The following UGT1A8 variants were observed in gnomAD, a reference collection of about 807,000 sequenced individuals.
The protein encoded by UGT1A8 is UDP glucuronosyltransferase family 1 member A8.
UGT1A8 carries 39 observed loss-of-function variants against 45.3 expected under a neutral mutation model. The observed-to-expected ratio is 0.86, with a 90% CI of 0.67 to 1.12. The LOEUF is 1.12. Among genes scored for constraint, UGT1A8 ranks in the 50% most tolerant of loss-of-function variants. UGT1A8 has a pLI of 0.00. For missense variants in UGT1A8, 719 were observed against 664.9 expected, an observed-to-expected ratio of 1.08 and a Z score of -0.90; for synonymous variants, 275 against 249.2, an observed-to-expected ratio of 1.10 and a Z score of -0.97.
chr2:233,713,140 A>G (rs759679762), intron 1 of UGT1A8: 1 of 1,614,108 alleles, frequency 6.2e-7, no homozygotes, highest in South Asian at 1.1e-5. Context: ...GCCTTGCGGG[A>G]CCTCCATGCG....
rs745537470 is a variant in UGT1A8, at chr2:233,755,045, G to A, written c.856-11989G>A. ...TGAAGGGCCTGCCGCCTGCGCAGCC[G>A]CCCTCCGCCCTCGCCTCGCCATAGC... On this transcript the variant is annotated intron_variant, in intron 1 of 4. Transcript: ENST00000373450. 1.4e-5 allele frequency: 18 copies of A among 1,325,360 alleles called. No individual in the cohort carries two copies. The East Asian group carries it at 1.4e-4, about 10-fold the overall frequency. 82.1% of individuals were successfully genotyped at this position (1,325,360 alleles called of 1,614,324 possible). A position where few individuals can be genotyped will look rare whatever the true frequency, so the allele number is the denominator to read the frequency against.
intron 1 of UGT1A8, among the ~76,000 whole-genome samples, chr2:233,757,565 T>C (rs1696654647): frequency 7.0e-6 from 1 of 141,992 alleles, no homozygotes; most frequent in African/African-American, 2.7e-5. Flanking sequence ...TATATATGTA[T>C]ATATGATATA....
chr2:233,660,895 A>G (rs987238751), intron 1 of UGT1A8, among the ~76,000 whole-genome samples: 3 of 152,074 alleles, frequency 2.0e-5, no homozygotes, highest in African/African-American at 4.8e-5. Flanking sequence ...GAGATTTTTA[A>G]AGTCAAACCT....
intron 1 of UGT1A8, chr2:233,760,234 A>C: frequency 1.8e-6 from 2 of 1,136,914 alleles, no homozygotes; most frequent in South Asian, 2.9e-5. Flanking sequence ...GGTTTTTGCC[A>C]TATATATATA....
chr2:233,688,585 G>C (rs924623717), intron 1 of UGT1A8, among the ~76,000 whole-genome samples: 1 of 152,028 alleles, frequency 6.6e-6, no homozygotes, highest in African/African-American at 2.4e-5. Context: ...ATCTTGTTTT[G>C]GTTGGTGTTA....
intron 1 of UGT1A8, chr2:233,718,696 A>G: frequency 1.9e-6 from 3 of 1,595,236 alleles, no homozygotes; most frequent in Non-Finnish European, 2.6e-6. Flanking sequence ...GGAGGAGGGC[A>G]CTTTGTCTTC....
intron 1 of UGT1A8, among the ~76,000 whole-genome samples, chr2:233,639,346 G>A (rs1312389068): frequency 6.6e-6 from 1 of 152,182 alleles, no homozygotes; most frequent in Non-Finnish European, 1.5e-5. Context: ...TTCTCACAGA[G>A]GAATTCGATC....
At chr2:233,623,290 G>A (rs1475408074) in intron 1 of UGT1A8, among the ~76,000 whole-genome samples, 1 of 152,154 alleles carries the variant, frequency 6.6e-6, no homozygotes. Flanking sequence ...GATGGGGATA[G>A]CATTGAATCT....
intron 1 of UGT1A8, among the ~76,000 whole-genome samples, chr2:233,746,235 C>A (rs565676121): frequency 6.6e-6 from 1 of 151,714 alleles, no homozygotes; most frequent in South Asian, 2.1e-4. Flanking sequence ...ATGCAAACTG[C>A]TAAAAGATAC....
chr2:233,676,258 G>C (rs1428316791), intron 1 of UGT1A8, among the ~76,000 whole-genome samples: 1 of 152,134 alleles, frequency 6.6e-6, no homozygotes, highest in African/African-American at 2.4e-5. Flanking sequence ...ATTCACTGAT[G>C]AATCACCCCT....
chr2:233,739,790 G>A (rs1360143620), intron 1 of UGT1A8, among the ~76,000 whole-genome samples: 4 of 152,122 alleles, frequency 2.6e-5, no homozygotes, highest in Admixed American at 2.6e-4. Context: ...GACTTTGGAG[G>A]ACAGTTGGGA....
At chr2:233,719,282 TAACCTCTGTGGGGC>T (rs1452808261) in intron 1 of UGT1A8, 2 of 1,614,148 alleles carry the variant, frequency 1.2e-6, no homozygotes, top group Non-Finnish European at 1.7e-6. Flanking sequence ...CAGACCCCGT[TAACCTCTGTGGGGC>T]GGTGCTGGCT....
intron 1 of UGT1A8, chr2:233,747,072 T>G: frequency 9.8e-7 from 1 of 1,024,480 alleles, no homozygotes; most frequent in South Asian, 1.7e-5. Flanking sequence ...TCGGTAATAA[T>G]TAACTAGGAG....
At chr2:233,647,874 A>T (rs982473684) in intron 1 of UGT1A8, 41 of 1,426,268 alleles carry the variant, frequency 2.9e-5, no homozygotes, top group Non-Finnish European at 3.7e-5. Flanking sequence ...TCTATTTCCT[A>T]TTTCATTGAT....
rs374057045 is a variant in UGT1A8 at position 233,637,204 on chromosome 2, C to G, written c.855+18642C>G. The G allele has an allele frequency of 2.2e-5, 36 of 1,613,930 alleles. No homozygotes were observed. The highest frequency in any genetic ancestry group is 3.3e-5 in the Admixed American group (2 of 60,010). On this transcript the variant is annotated intron_variant, in intron 1 of 4. Coordinates refer to ENST00000373450, the MANE Select transcript of UGT1A8 (RefSeq NM_019076.5). ...TTGCCAGTATCTTTTTAGAAATGCC[C>G]TAGAAATAGCCTCTGAAATTCTCCA...
intron 1 of UGT1A8, chr2:233,755,371 G>A (rs1695886794): frequency 2.8e-6 from 1 of 358,288 alleles, no homozygotes; most frequent in South Asian, 2.2e-5. Context: ...CCGCCTGGAG[G>A]GCCGCCCCTT....
chr2:233,624,047 T>G (rs2073055467), intron 1 of UGT1A8, among the ~76,000 whole-genome samples: 1 of 152,160 alleles, frequency 6.6e-6, no homozygotes, highest in African/African-American at 2.4e-5. Context: ...TTCAGAGAAT[T>G]CTTATCTACC....
intron 1 of UGT1A8, chr2:233,743,204 C>A (rs187896113): frequency 1.0e-4 from 39 of 388,848 alleles, no homozygotes; most frequent in Non-Finnish European, 1.8e-4. Flanking sequence ...GGTGTCAATG[C>A]GGAGTAACTG....
At chr2:233,690,381 G>A (rs890427076) in intron 1 of UGT1A8, 15 of 1,010,112 alleles carry the variant, frequency 1.5e-5, no homozygotes, top group Admixed American at 1.1e-4. Flanking sequence ...TAGGGTCCAC[G>A]TTTCCAGACC....
Sources: gnomAD v4.1 joint callset for allele counts (sites outside exome capture counted in the v4.1 genomes callset) on GRCh38, gnomAD v4.1.1 for gene constraint, MANE v1.5 for transcripts, NCBI Gene and HGNC (gene_info 2026-07-23, HGNC 2026-07-21) for gene names.